TYW1B: variants seen among roughly 807,000 people sequenced by gnomAD.
TYW1B encodes S-adenosyl-L-methionine-dependent tRNA 4-demethylwyosine synthase TYW1B.
In TYW1B, 73 loss-of-function variants were observed where a neutral mutation model predicts 86.9. The observed-to-expected ratio is 0.84, with a 90% CI of 0.70 to 1.02. TYW1B has a LOEUF of 1.02. Ranked by LOEUF, TYW1B falls within the 50% of genes least tolerant of loss-of-function variation. The pLI, the probability that TYW1B is intolerant of heterozygous loss-of-function variation, is 0.00. For synonymous variants in TYW1B, 248 were observed against 292.8 expected, an observed-to-expected ratio of 0.85 and a Z score of 1.56; for missense variants, 637 against 827.4, an observed-to-expected ratio of 0.77 and a Z score of 2.82.
intron 13 of TYW1B, among the ~76,000 whole-genome samples, chr7:72,600,081 G>A: frequency 6.6e-6 from 1 of 152,084 alleles, no homozygotes; most frequent in Non-Finnish European, 1.5e-5. Flanking sequence ...TAGTGAAGAA[G>A]AACAAGTTAG....
chr7:72,628,228 A>C (rs561858822), intron 12 of TYW1B, among the ~76,000 whole-genome samples: 1 of 152,346 alleles, frequency 6.6e-6, no homozygotes, highest in Non-Finnish European at 1.5e-5. Context: ...GGCTGCAGTA[A>C]GCTACGATCA....
intron 11 of TYW1B, among the ~76,000 whole-genome samples, chr7:72,687,777 C>T (rs1814045038): frequency 6.6e-6 from 1 of 151,898 alleles, no homozygotes; most frequent in South Asian, 2.1e-4. Context: ...AGTTGAAGGC[C>T]AGGCACAGTG....
At chr7:72,604,659 TG>T (rs1455355753) in intron 13 of TYW1B, among the ~76,000 whole-genome samples, 2 of 152,168 alleles carry the variant, frequency 1.3e-5, no homozygotes, top group African/African-American at 4.8e-5. Context: ...TGGATTCTCA[TG>T]GTCTAATTAA....
intron 9 of TYW1B, among the ~76,000 whole-genome samples, chr7:72,714,786 G>C (rs559562342): frequency 1.3e-5 from 2 of 152,126 alleles, no homozygotes; most frequent in Non-Finnish European, 2.9e-5. Flanking sequence ...GCGTAGTGGC[G>C]GATGCCAGTA....
At chr7:72,812,844 C>T (rs1788647266) in intron 3 of TYW1B, among the ~76,000 whole-genome samples, 1 of 151,878 alleles carries the variant, frequency 6.6e-6, no homozygotes, top group Non-Finnish European at 1.5e-5. Flanking sequence ...TACAGGCGTG[C>T]ACCACCATGG....
chr7:72,577,552 C>T (rs1380365227), intron 13 of TYW1B, among the ~76,000 whole-genome samples: 2 of 152,180 alleles, frequency 1.3e-5, no homozygotes, highest in Non-Finnish European at 2.9e-5. Context: ...TCAAAGGTGA[C>T]CTCCTTTTCC....
chr7:72,768,358 G>A (rs762249072), intron 7 of TYW1B, among the ~76,000 whole-genome samples: 27 of 152,122 alleles, frequency 1.8e-4, no homozygotes, highest in Non-Finnish European at 1.0e-4. Flanking sequence ...TCCTGCCACC[G>A]CTCTAGGAAT....
chr7:72,591,045 T>C (rs1273095949), intron 13 of TYW1B, among the ~76,000 whole-genome samples: 2 of 151,360 alleles, frequency 1.3e-5, no homozygotes, highest in African/African-American at 4.9e-5. Flanking sequence ...GTATAATAAC[T>C]GAAATGAAAA....
intron 13 of TYW1B, among the ~76,000 whole-genome samples, chr7:72,592,460 C>T (rs1811419891): frequency 6.6e-6 from 1 of 152,086 alleles, no homozygotes. Context: ...CAACTCAACA[C>T]AAAGAAGACA....
intron 11 of TYW1B, among the ~76,000 whole-genome samples, chr7:72,653,304 C>T (rs545722698): frequency 1.3e-3 from 201 of 152,218 alleles, no homozygotes; most frequent in African/African-American, 4.5e-3. Context: ...ACACAAATTA[C>T]CAATATCAAA....
chr7:72,690,702 C>G (rs185360059), intron 11 of TYW1B, among the ~76,000 whole-genome samples: 38 of 152,162 alleles, frequency 2.5e-4, no homozygotes, highest in Non-Finnish European at 4.6e-4. Flanking sequence ...TCTGAAATAA[C>G]ACTCTTATTT....
At chr7:72,759,796 C>G (rs1787656973) in intron 7 of TYW1B, among the ~76,000 whole-genome samples, 1 of 152,146 alleles carries the variant, frequency 6.6e-6, no homozygotes, top group South Asian at 2.1e-4. Flanking sequence ...TACAACAGCT[C>G]CATGGTAACC....
chr7:72,580,022 AG>A (rs1811116448), intron 13 of TYW1B, among the ~76,000 whole-genome samples: 2 of 152,032 alleles, frequency 1.3e-5, no homozygotes, highest in Admixed American at 1.3e-4. Flanking sequence ...ATTTAATCCC[AG>A]TTGCTTCCTT....
Position 72,739,118 on chromosome 7 carries a change from T to C in TYW1B, c.1082+5366A>G, listed in dbSNP as rs35984320. Among the ~76,000 whole-genome samples the C allele has an allele frequency of 3.9e-5, 6 of 152,054 alleles. No homozygotes were observed. The South Asian group carries it at 6.2e-4, about 16-fold the overall frequency. Reference sequence around the variant, plus strand: ...TGTGGCTATATTATTTTTTAACAGATCTTATTATTTACATTTTACATGATC... The same window carrying C: ...TGTGGCTATATTATTTTTTAACAGACCTTATTATTTACATTTTACATGATC... On this transcript the variant is annotated intron_variant, in intron 8 of 13. Transcript: ENST00000620995.
At chr7:72,614,083 C>T (rs1477467841) in intron 13 of TYW1B, among the ~76,000 whole-genome samples, 1 of 151,980 alleles carries the variant, frequency 6.6e-6, no homozygotes, top group Non-Finnish European at 1.5e-5. Flanking sequence ...AGCAAGAGAA[C>T]AAGCAAATGG....
chr7:72,632,641 T>C (rs1279824794), intron 11 of TYW1B, among the ~76,000 whole-genome samples: 1 of 146,684 alleles, frequency 6.8e-6, no homozygotes, highest in Non-Finnish European at 1.5e-5. Flanking sequence ...GTAATTCCAA[T>C]GAGAGTTTAC....
intron 1 of TYW1B, 23 bp from the exon 2 acceptor site, chr7:72,827,008 A>G: frequency 6.3e-7 from 1 of 1,587,972 alleles, no homozygotes; most frequent in Non-Finnish European, 8.5e-7. Flanking sequence ...TGACACACAC[A>G]GATAATTTCA....
intron 7 of TYW1B, among the ~76,000 whole-genome samples, chr7:72,758,356 C>T (rs528030319): frequency 2.6e-5 from 4 of 152,196 alleles, no homozygotes; most frequent in Admixed American, 2.6e-4. Flanking sequence ...AACAAACAAA[C>T]AAAACCCATT....
In TYW1B at chr7:72,650,613, A is replaced by G. The variant is rs563447011; in HGVS notation, c.1507-21616T>C. Reference sequence around the variant, plus strand: ...TCTCCTGAGACATCCCCACTGCAACACAGATAAAATGAAAATCAAATAAAG... The same window carrying G: ...TCTCCTGAGACATCCCCACTGCAACGCAGATAAAATGAAAATCAAATAAAG... On this transcript the variant is annotated intron_variant, in intron 11 of 13. Transcript: ENST00000620995. 2.0e-5 allele frequency among the ~76,000 whole-genome samples: 3 copies of G among 152,276 alleles called. No individual in the cohort carries two copies. In the South Asian group the frequency reaches 6.2e-4, roughly 32 times the overall value.
Sources: gnomAD v4.1 joint callset for allele counts (sites outside exome capture counted in the v4.1 genomes callset) on GRCh38, gnomAD v4.1.1 for gene constraint, MANE v1.5 for transcripts, NCBI Gene and HGNC (gene_info 2026-07-23, HGNC 2026-07-21) for gene names.